Variants in SHISA4 observed in about 807,000 individuals in gnomAD.
SHISA4 encodes the protein protein shisa-4.
SHISA4 carries 16 observed loss-of-function variants against 24.2 expected under a neutral mutation model. The observed-to-expected ratio is 0.66, with a 90% CI of 0.45 to 1.00. The LOEUF (loss-of-function observed/expected upper bound fraction) is 1.00. Ranked by LOEUF, SHISA4 falls within the 50% of genes least tolerant of loss-of-function variation. SHISA4 has a pLI of 0.00. For synonymous variants in SHISA4, 106 were observed against 105.4 expected (o/e 1.01, Z -0.04); for missense variants, 238 against 258.9 (o/e 0.92, Z 0.55).
At chr1:201,891,645 A>G (rs2102903152) in intron 4 of SHISA4, 77 bp downstream of exon 4, 2 of 1,539,314 alleles carry the variant, frequency 1.3e-6, no homozygotes, top group Non-Finnish European at 1.8e-6. Context: ...TGCCTCTCTC[A>G]TTCTCAGATT....
At position 201,891,441 on chromosome 1, in the gene SHISA4, A is replaced by G; in HGVS notation, c.420A>G (p.Val140=). The G allele has an allele frequency of 6.2e-7, 1 of 1,613,856 alleles. No homozygotes were observed. Among genetic ancestry groups the G allele is most frequent in the Non-Finnish European group, 8.5e-7 (1 of 1,179,918 alleles). ...TGACAGGCATCCCAGTGCAGCCAGT[A>G]TACCCATACCCCCAGGACCCCAAAG... ...IPMTGIPVQP[V]YPYPQDPKAG... The change falls in exon 4 of 5, where the codon GTA becomes GTG. Residue 140 remains valine (V), a synonymous_variant. Coordinates refer to ENST00000362011, the MANE Select transcript of SHISA4 (RefSeq NM_198149.3).
Position 201,891,946 on chromosome 1 carries a change from C to T in SHISA4, c.*100C>T. The stretch of plus-strand genomic sequence containing the variant: ...GGTCCTGGGGGTGGCAGGAGTCCTC[C>T]AGCCACCAGGCCCCAGACCAAGCCA... On this transcript the variant is annotated 3_prime_UTR_variant, in exon 5 of 5. Transcript: ENST00000362011. 7.0e-7 allele frequency: 1 copy of T among 1,438,614 alleles called. No individual in the cohort carries two copies. The highest frequency in any genetic ancestry group is 9.8e-7 in the Non-Finnish European group (1 of 1,024,032). The allele number at this position is 1,438,614 out of a possible 1,614,324, so 89.1% of individuals were successfully genotyped here.
At chr1:201,889,749 T>C in intron 2 of SHISA4, 133 bp downstream of exon 2, 2 of 1,097,940 alleles carry the variant, frequency 1.8e-6, no homozygotes, top group Non-Finnish European at 2.6e-6. Flanking sequence ...TCACCAGGAC[T>C]CAAGCCTGGC....
chr1:201,890,874 G>T (rs577417909), intron 3 of SHISA4, among the ~76,000 whole-genome samples: 1 of 152,344 alleles, frequency 6.6e-6, no homozygotes, highest in African/African-American at 2.4e-5. Context: ...GTGGGTGTAT[G>T]CATACATATG....
At position 201,889,054 on chromosome 1, in the gene SHISA4, G is replaced by C. The variant is rs1010527746; in HGVS notation, c.60G>C (p.Leu20=). ...APLTAIALLV[L]GAPLVLAGED... is the part of the protein sequence containing the mutation. Reference sequence around the variant, plus strand: ...TCACCGCAATCGCTCTGTTGGTGCTGGGGGCTCCCCTGGGTAAGGGGATGG... The same window carrying C: ...TCACCGCAATCGCTCTGTTGGTGCTCGGGGCTCCCCTGGGTAAGGGGATGG... Residue 20 remains leucine, a synonymous_variant, in exon 1 of 5, where the codon CTG becomes CTC. Coordinates refer to ENST00000362011, the MANE Select transcript of SHISA4 (RefSeq NM_198149.3). 5 of 1,392,458 alleles carry C rather than the reference G, an allele frequency of 3.6e-6. No homozygotes were observed. In the African/African-American group the frequency reaches 7.5e-5, roughly 21 times the overall value. The allele number at this position is 1,392,458 out of a possible 1,614,324, so 86.3% of individuals were successfully genotyped here.
intron 2 of SHISA4, among the ~76,000 whole-genome samples, chr1:201,890,149 T>G (rs1307816349): frequency 6.6e-6 from 1 of 152,208 alleles, no homozygotes; most frequent in African/African-American, 2.4e-5. Context: ...TGGCTCTAGA[T>G]TATTTCTAAG....
At chr1:201,890,665 T>A in intron 3 of SHISA4, 78 bp downstream of exon 3, 1 of 1,562,778 alleles carries the variant, frequency 6.4e-7, no homozygotes. Context: ...AGTTCATGGA[T>A]TGGGTAAATT....
Position 201,891,402 on chromosome 1 carries a change from C to T in SHISA4, c.381C>T (p.Gly127=), listed in dbSNP as rs753211563. The change falls in exon 4 of 5, where the codon GGC becomes GGT. Residue 127 remains glycine, a splice_region_variant and synonymous_variant. Coordinates refer to ENST00000362011, the MANE Select transcript of SHISA4 (RefSeq NM_198149.3). ...RRQQLQSPFE[G]QEIPMTGIPV... ...TGCTGATCCTTCTCCCCCATCTAGG[C>T]CAGGAGATTCCAATGACAGGCATCC... is the stretch of plus-strand genomic sequence containing the variant. 6.2e-7 allele frequency: 1 copy of T among 1,613,740 alleles called. No homozygotes were observed. Among genetic ancestry groups the T allele is most frequent in the Admixed American group, 1.7e-5 (1 of 59,972 alleles).
At chr1:201,891,259 G>A in intron 3 of SHISA4, 142 bp from the exon 4 acceptor site, 1 of 922,584 alleles carries the variant, frequency 1.1e-6, no homozygotes, top group Non-Finnish European at 1.7e-6. Flanking sequence ...ACTCTGCCAA[G>A]CAGGGTGTGG....
chr1:201,889,140 T>C (rs1681042896), intron 1 of SHISA4, 73 bp downstream of exon 1: 3 of 1,329,682 alleles, frequency 2.3e-6, no homozygotes, highest in South Asian at 3.2e-5. Flanking sequence ...TCCGAGGGGC[T>C]TGGGCTCGGG....
At chr1:201,891,751 C>G (rs201804809) in intron 4 of SHISA4, 49 bp from the exon 5 acceptor site, 6 of 1,607,278 alleles carry the variant, frequency 3.7e-6, no homozygotes, top group Non-Finnish European at 5.1e-6. Flanking sequence ...TGTTACTTTT[C>G]GTCCACCTAT....
In SHISA4 at chr1:201,890,472, C is replaced by T; in HGVS notation, c.264C>T (p.Gly88=). The T allele has an allele frequency of 1.9e-6, 3 of 1,614,216 alleles. No individual in the cohort carries two copies. The highest frequency in any genetic ancestry group is 1.6e-4 in the Middle Eastern group (1 of 6,062). ...CLAFSPKTIA[G]IASAVILFVA... is the part of the protein sequence containing the mutation. ...TCTAAAGCCCCAAGACCATAGCAGG[C>T]ATCGCCTCAGCTGTGATCCTCTTTG... Residue 88 remains glycine (G), a synonymous_variant, in exon 3 of 5, where the codon GGC becomes GGT. Transcript: ENST00000362011.
rs745561311 is a variant in SHISA4, at chr1:201,891,777, C to T, written c.548-23C>T. The stretch of plus-strand genomic sequence containing the variant: ...GTCCACCTATGCCACCACTCACCCT[C>T]ATCCTGTCTCTTTGGCTTTCAGCTC... On this transcript the variant is annotated intron_variant, in intron 4 of 4. Coordinates refer to ENST00000362011, the MANE Select transcript of SHISA4 (RefSeq NM_198149.3). 16 of 1,613,962 alleles carry T rather than the reference C, an allele frequency of 9.9e-6. No individual in the cohort carries two copies. The East Asian group carries it at 3.1e-4, about 31-fold the overall frequency.
At chr1:201,890,192 AT>A (rs953429714) in intron 2 of SHISA4, among the ~76,000 whole-genome samples, 9 of 152,112 alleles carry the variant, frequency 5.9e-5, no homozygotes, top group African/African-American at 2.2e-4. Flanking sequence ...ATGTCTAATC[AT>A]TTAAGTTGTA....
chr1:201,888,808 T>C, upstream of SHISA4: 1 of 386,584 alleles, frequency 2.6e-6, no homozygotes, highest in Non-Finnish European at 4.5e-6. Flanking sequence ...GGTGGACTCC[T>C]GGGCGCTGCG....
chr1:201,891,448 TA>T lies in SHISA4; in HGVS notation c.428del (p.Tyr143SerfsTer67), dbSNP rs1320129416. Reference sequence around the variant, plus strand: ...CATCCCAGTGCAGCCAGTATACCCATACCCCCAGGACCCCAAAGCTGGCCCT... The same window carrying T: ...CATCCCAGTGCAGCCAGTATACCCATCCCCCAGGACCCCAAAGCTGGCCCT... ...TGIPVQPVYP[Y>X]PQDPKAGPAP... On this transcript the variant is annotated frameshift_variant, in exon 4 of 5. Transcript: ENST00000362011. LOFTEE classifies it high-confidence loss of function. The T allele has an allele frequency of 6.2e-7, 1 of 1,613,806 alleles. No homozygotes were observed. Among genetic ancestry groups the T allele is most frequent in the Non-Finnish European group, 8.5e-7 (1 of 1,179,910 alleles).
Position 201,891,486 on chromosome 1 carries a change from G to T in SHISA4, c.465G>T (p.Gln155His). The change falls in exon 4 of 5, where the codon CAG becomes CAT. Residue 155 changes from glutamine to histidine, a missense_variant. Coordinates refer to ENST00000362011, the MANE Select transcript of SHISA4 (RefSeq NM_198149.3). ...CCAAAGCTGGCCCTGCACCCCCACA[G>T]CCTGGCTTCATATACCCACCTAGTG... is the stretch of plus-strand genomic sequence containing the variant. ...QDPKAGPAPPQPGFIYPPSGP... is the reference protein window; with the variant it reads ...QDPKAGPAPPHPGFIYPPSGP... The T allele has an allele frequency of 6.2e-7, 1 of 1,613,796 alleles. No individual in the cohort carries two copies. The highest frequency in any genetic ancestry group is 8.5e-7 in the Non-Finnish European group (1 of 1,179,888).
upstream of SHISA4, chr1:201,888,895 C>T: frequency 2.6e-6 from 2 of 783,130 alleles, no homozygotes; most frequent in East Asian, 3.5e-5. Flanking sequence ...GGAGCCCGAG[C>T]CTGGCCGCGG....
At chr1:201,889,209 A>G (rs1681044616) in intron 1 of SHISA4, 142 bp downstream of exon 1, 1 of 966,168 alleles carries the variant, frequency 1.0e-6, no homozygotes, top group Non-Finnish European at 1.5e-6. Flanking sequence ...GTCCTCAAGA[A>G]GCGGGAAGAG....
Sources: allele counts gnomAD v4.1 joint callset (sites outside exome capture counted in the v4.1 genomes callset), GRCh38; gene constraint gnomAD v4.1.1; transcripts MANE v1.5; gene names NCBI Gene and HGNC (gene_info 2026-07-23, HGNC 2026-07-21).